Variants in RALGAPA1 observed in about 807,000 individuals in gnomAD.
RALGAPA1 encodes Ral GTPase activating protein catalytic subunit alpha 1.
Under a neutral mutation model 269.6 loss-of-function variants are expected in RALGAPA1, and 52 were observed. That is an observed-to-expected ratio of 0.19 (90% CI 0.15 to 0.24). The LOEUF (loss-of-function observed/expected upper bound fraction) is 0.24. Ranked by LOEUF, RALGAPA1 falls within the 10% of genes least tolerant of loss-of-function variation. The pLI is 1.00. For synonymous variants in RALGAPA1, 817 were observed against 1,008.3 expected, an observed-to-expected ratio of 0.81 and a Z score of 3.60; for missense variants, 1,917 against 3,013.9, an observed-to-expected ratio of 0.64 and a Z score of 8.52.
intron 10 of RALGAPA1, among the ~76,000 whole-genome samples, chr14:35,744,930 A>T (rs573584914): frequency 2.6e-5 from 4 of 152,376 alleles, no homozygotes; most frequent in African/African-American, 9.6e-5. Flanking sequence ...TGTCAATCTA[A>T]AACACTGAAA....
chr14:35,570,479 A>G, intron 39 of RALGAPA1, 138 bp downstream of exon 39: 1 of 713,358 alleles, frequency 1.4e-6, no homozygotes, highest in Non-Finnish European at 2.1e-6. Context: ...CGGGAAACAT[A>G]ATGATACTCC....
intron 16 of RALGAPA1, among the ~76,000 whole-genome samples, chr14:35,701,926 T>C (rs1402495484): frequency 6.6e-6 from 1 of 152,298 alleles, no homozygotes; most frequent in Non-Finnish European, 1.5e-5. Context: ...TGAGATTACA[T>C]GAATAAGTCA....
intron 6 of RALGAPA1, among the ~76,000 whole-genome samples, chr14:35,760,156 G>A (rs992023198): frequency 6.6e-6 from 1 of 152,156 alleles, no homozygotes; most frequent in Non-Finnish European, 1.5e-5. Flanking sequence ...AAGGTGATAT[G>A]TAATAATTAA....
At chr14:35,777,991 ATAAAG>A (rs1283947636) in intron 1 of RALGAPA1, among the ~76,000 whole-genome samples, 1 of 152,238 alleles carries the variant, frequency 6.6e-6, no homozygotes, top group Admixed American at 6.5e-5. Flanking sequence ...AGATTTCAAA[ATAAAG>A]TACAGTAACA....
intron 1 of RALGAPA1, among the ~76,000 whole-genome samples, chr14:35,782,505 C>T (rs1049994950): frequency 2.6e-5 from 4 of 152,098 alleles, no homozygotes; most frequent in African/African-American, 9.7e-5. Context: ...TCGATCTCGG[C>T]TCATTGCAAC....
intron 10 of RALGAPA1, among the ~76,000 whole-genome samples, chr14:35,743,231 T>C (rs2071739321): frequency 6.6e-6 from 1 of 152,140 alleles, no homozygotes. Flanking sequence ...TGCTGTACAT[T>C]TATTTATCGT....
At chr14:35,743,556 T>C (rs1007539746) in intron 10 of RALGAPA1, among the ~76,000 whole-genome samples, 1 of 152,196 alleles carries the variant, frequency 6.6e-6, no homozygotes, top group Non-Finnish European at 1.5e-5. Context: ...TCTTGCTATG[T>C]TACCCAGGCT....
chr14:35,785,196 C>T, intron 1 of RALGAPA1, among the ~76,000 whole-genome samples: 1 of 152,116 alleles, frequency 6.6e-6, no homozygotes, highest in Admixed American at 6.6e-5. Flanking sequence ...TCTAAAGTGG[C>T]TAAAACAAAT....
intron 32 of RALGAPA1, 68 bp from the exon 33 acceptor site, chr14:35,634,825 G>C: frequency 7.3e-7 from 1 of 1,373,312 alleles, no homozygotes; most frequent in African/African-American, 1.5e-5. Context: ...GTTAAAGGAG[G>C]ATAAAAATCA....
chr14:35,787,181 T>A (rs1307883480), intron 1 of RALGAPA1, among the ~76,000 whole-genome samples: 1 of 152,228 alleles, frequency 6.6e-6, no homozygotes, highest in Admixed American at 6.5e-5. Context: ...AAGCACTGTA[T>A]CTATTTATTC....
intron 22 of RALGAPA1, chr14:35,676,864 T>C (rs2064997084): frequency 6.6e-6 from 1 of 152,186 alleles, no homozygotes; most frequent in South Asian, 2.1e-4. Context: ...ATATAAAGGG[T>C]TTATGTGCAT....
intron 14 of RALGAPA1, 82 bp from the exon 15 acceptor site, chr14:35,723,346 T>A: frequency 1.3e-6 from 1 of 777,228 alleles, no homozygotes; most frequent in Non-Finnish European, 2.0e-6. Context: ...CTTAAAAAAA[T>A]TACTTAAAAA....
chr14:35,634,451 T>C (rs1415127842), intron 33 of RALGAPA1, 123 bp downstream of exon 33: 3 of 642,110 alleles, frequency 4.7e-6, no homozygotes, highest in Non-Finnish European at 7.4e-6. Flanking sequence ...GTGCTATACA[T>C]ACATGGTTAA....
intron 35 of RALGAPA1, among the ~76,000 whole-genome samples, chr14:35,613,317 T>C (rs1425897041): frequency 6.6e-6 from 1 of 151,738 alleles, no homozygotes; most frequent in Non-Finnish European, 1.5e-5. Flanking sequence ...CCTGACCTCA[T>C]GTGATCCACC....
rs146138809 is a variant in RALGAPA1 at position 35,795,286 on chromosome 14, C to T, written c.106+13444G>A. 3.0e-3 allele frequency among the ~76,000 whole-genome samples: 454 copies of T among 152,068 alleles called. 7 individuals carry two copies. The highest frequency in any genetic ancestry group is 0.011 in the African/African-American group (441 of 41,470). On this transcript the variant is annotated intron_variant, in intron 1 of 41. Transcript: ENST00000680220. ...AAGTGAAGCCAAGCACCCAGGAAGA[C>T]CAAGGCAATCAGAGTTCACACGACA...
chr14:35,725,795 G>GT (rs1368781229), intron 13 of RALGAPA1, among the ~76,000 whole-genome samples: 3 of 151,892 alleles, frequency 2.0e-5, no homozygotes, highest in Admixed American at 6.6e-5. Context: ...AAGCCTAGGA[G>GT]TTTGAGTCTG....
At chr14:35,665,712 T>C (rs2063874821) in intron 26 of RALGAPA1, among the ~76,000 whole-genome samples, 1 of 152,186 alleles carries the variant, frequency 6.6e-6, no homozygotes, top group South Asian at 2.1e-4. Context: ...ATATCTACCG[T>C]TCCAATTTAA....
intron 12 of RALGAPA1, among the ~76,000 whole-genome samples, chr14:35,735,621 G>A (rs575871944): frequency 2.2e-4 from 33 of 152,174 alleles, no homozygotes; most frequent in Non-Finnish European, 3.4e-4. Flanking sequence ...TACTGCTCAG[G>A]TGATGGGTGC....
intron 22 of RALGAPA1, 61 bp downstream of exon 22, chr14:35,677,889 T>G: frequency 2.0e-6 from 3 of 1,483,062 alleles, no homozygotes; most frequent in Non-Finnish European, 2.8e-6. Flanking sequence ...GCCTTATTTA[T>G]GATCTCCTGA....
Sources: gnomAD v4.1 joint callset for allele counts (sites outside exome capture counted in the v4.1 genomes callset) on GRCh38, gnomAD v4.1.1 for gene constraint, MANE v1.5 for transcripts, NCBI Gene and HGNC (gene_info 2026-07-23, HGNC 2026-07-21) for gene names.